The following AUTS2 variants were observed in gnomAD, a reference collection of about 807,000 sequenced individuals.
AUTS2 encodes the protein activator of transcription and developmental regulator AUTS2, also known as autism susceptibility gene 2 protein.
AUTS2 carries 17 observed loss-of-function variants against 112.4 expected under a neutral mutation model. That is an observed-to-expected ratio of 0.15 (90% confidence interval 0.10 to 0.23). The LOEUF (loss-of-function observed/expected upper bound fraction) is 0.23, where lower values mean the gene tolerates loss of function less well. AUTS2 is among the 10% of genes least tolerant of loss of function. The probability of loss-of-function intolerance (pLI) is 1.00; values close to 1 mark genes in which losing one functional copy is unlikely to be tolerated. For missense variants in AUTS2, 1,510 were observed against 1,701.6 expected, an observed-to-expected ratio of 0.89 and a Z score of 1.98; for synonymous variants, 751 against 702.7, an observed-to-expected ratio of 1.07 and a Z score of -1.09.
chr7:69,704,260 A>G (rs1797953719), intron 1 of AUTS2, among the ~76,000 whole-genome samples: 1 of 151,320 alleles, frequency 6.6e-6, no homozygotes, highest in South Asian at 2.1e-4. Context: ...TAGGCTCTCT[A>G]CAGTCTGGCT....
intron 5 of AUTS2, among the ~76,000 whole-genome samples, chr7:70,520,155 G>A (rs1204827434): frequency 6.6e-6 from 1 of 152,010 alleles, no homozygotes; most frequent in East Asian, 1.9e-4. Flanking sequence ...TGCTTTTGCT[G>A]TTATGTCCAA....
intron 5 of AUTS2, among the ~76,000 whole-genome samples, chr7:70,687,919 T>C (rs1808551476): frequency 1.3e-5 from 2 of 152,222 alleles, no homozygotes; most frequent in African/African-American, 4.8e-5. Context: ...GAAAGAGTTT[T>C]AATCTCCTGG....
At chr7:70,554,131 C>T (rs1449627577) in intron 5 of AUTS2, among the ~76,000 whole-genome samples, 5 of 147,668 alleles carry the variant, frequency 3.4e-5, no homozygotes, top group African/African-American at 7.5e-5. Context: ...TGCAATGGCG[C>T]GATCTCCACT....
In AUTS2 at chr7:70,050,335, G is replaced by A. The variant is rs1229031278; in HGVS notation, c.523-67797G>A. Among the ~76,000 whole-genome samples, 5 of 107,802 alleles carry A rather than the reference G, an allele frequency of 4.6e-5. No homozygotes were observed. In the East Asian group the frequency reaches 9.1e-4, roughly 20 times the overall value. The allele number at this position is 107,802 out of a possible 152,430, so 70.7% of individuals were successfully genotyped here. Reference sequence around the variant, plus strand: ...TCGAGCCACTGCAATCCAGCCTGGCGACAGAGCAAGACTCTGTCTCAAAAA... The same window carrying A: ...TCGAGCCACTGCAATCCAGCCTGGCAACAGAGCAAGACTCTGTCTCAAAAA... On this transcript the variant is annotated intron_variant, in intron 2 of 18. Coordinates refer to ENST00000342771, the MANE Select transcript of AUTS2 (RefSeq NM_015570.4).
intron 5 of AUTS2, among the ~76,000 whole-genome samples, chr7:70,448,609 A>G (rs1029218346): frequency 6.6e-6 from 1 of 152,224 alleles, no homozygotes. Flanking sequence ...AACAGTAATT[A>G]TTTCTCTCAG....
Position 70,003,855 on chromosome 7 carries a change from AAT to A in AUTS2, c.522+104367_522+104368del, listed in dbSNP as rs1280930480. ...ATAATATATGAATGTGTTATATATG[AAT>A]ATATATATAATATATGAATGTGTTA... is the stretch of plus-strand genomic sequence containing the variant. On this transcript the variant is annotated intron_variant, in intron 2 of 18. Coordinates refer to ENST00000342771, the MANE Select transcript of AUTS2 (RefSeq NM_015570.4). Among the ~76,000 whole-genome samples, 92 of 87,688 alleles carry A rather than the reference AAT, an allele frequency of 1.0e-3. 22 individuals carry two copies. Among genetic ancestry groups the A allele is most frequent in the Admixed American group, 2.2e-3 (16 of 7,138 alleles). 57.5% of individuals were successfully genotyped at this position (87,688 alleles called of 152,430 possible).
At chr7:70,108,862 C>T (rs1584734647) in intron 2 of AUTS2, among the ~76,000 whole-genome samples, 1 of 149,768 alleles carries the variant, frequency 6.7e-6, no homozygotes, top group African/African-American at 2.5e-5. Context: ...ATCACTTGAA[C>T]CTGCCTCGGC....
chr7:70,270,923 A>G (rs1787662409), intron 4 of AUTS2, among the ~76,000 whole-genome samples: 1 of 152,122 alleles, frequency 6.6e-6, no homozygotes, highest in South Asian at 2.1e-4. Flanking sequence ...GCTTGACTGA[A>G]GACAGAAGTC....
At chr7:70,091,672 A>G (rs1803929230) in intron 2 of AUTS2, among the ~76,000 whole-genome samples, 2 of 152,166 alleles carry the variant, frequency 1.3e-5, no homozygotes, top group African/African-American at 4.8e-5. Flanking sequence ...CTACCTCCTG[A>G]GATTCTTGGC....
At chr7:69,978,683 A>T (rs1189758949) in intron 2 of AUTS2, among the ~76,000 whole-genome samples, 5 of 152,042 alleles carry the variant, frequency 3.3e-5, no homozygotes, top group African/African-American at 1.2e-4. Flanking sequence ...TATAAAAAAT[A>T]AAAAAATAAA....
At chr7:70,324,373 T>TG (rs2129618149) in intron 4 of AUTS2, among the ~76,000 whole-genome samples, 1 of 152,176 alleles carries the variant, frequency 6.6e-6, no homozygotes, top group South Asian at 2.1e-4. Flanking sequence ...TTGTATTCAT[T>TG]GAAAAAAAAT....
chr7:70,781,930 T>A, intron 15 of AUTS2, 174 bp downstream of exon 15: 1 of 709,470 alleles, frequency 1.4e-6, no homozygotes, highest in Non-Finnish European at 2.3e-6. Context: ...TCTTCATTGA[T>A]ACACTCTCTT....
chr7:69,633,607 T>C (rs1323879903), intron 1 of AUTS2, among the ~76,000 whole-genome samples: 1 of 152,236 alleles, frequency 6.6e-6, no homozygotes, highest in Non-Finnish European at 1.5e-5. Flanking sequence ...CCAACATTTG[T>C]TATCTTTTTA....
At chr7:69,908,821 A>T (rs889943595) in intron 2 of AUTS2, among the ~76,000 whole-genome samples, 4 of 152,210 alleles carry the variant, frequency 2.6e-5, no homozygotes, top group Admixed American at 2.0e-4. Flanking sequence ...ATGGAGAAGC[A>T]ATTAGCTACA....
intron 6 of AUTS2, among the ~76,000 whole-genome samples, chr7:70,700,079 G>T (rs369859406): frequency 1.3e-5 from 2 of 152,202 alleles, no homozygotes; most frequent in African/African-American, 2.4e-5. Context: ...CACTCTGGCC[G>T]CCACTGCCCT....
At chr7:70,117,685 G>C (rs1474661899) in intron 2 of AUTS2, among the ~76,000 whole-genome samples, 2 of 151,632 alleles carry the variant, frequency 1.3e-5, no homozygotes, top group Admixed American at 6.6e-5. Flanking sequence ...TTCTATGGCA[G>C]CTTGCCTGGC....
intron 2 of AUTS2, among the ~76,000 whole-genome samples, chr7:69,939,958 C>G (rs1796560268): frequency 6.6e-6 from 1 of 152,200 alleles, no homozygotes; most frequent in Admixed American, 6.5e-5. Flanking sequence ...ATCATAACAA[C>G]AACAGTAGTA....
intron 1 of AUTS2, among the ~76,000 whole-genome samples, chr7:69,833,395 A>C (rs1017784755): frequency 6.6e-6 from 1 of 152,186 alleles, no homozygotes; most frequent in African/African-American, 2.4e-5. Flanking sequence ...TCTGAACTAC[A>C]TATTAATTAT....
At chr7:70,223,855 T>G (rs1368466196) in intron 4 of AUTS2, among the ~76,000 whole-genome samples, 1 of 151,264 alleles carries the variant, frequency 6.6e-6, no homozygotes, top group Non-Finnish European at 1.5e-5. Context: ...TATCTTTGTT[T>G]TTTTTTTTTT....
Sources: gnomAD v4.1 joint callset for allele counts (sites outside exome capture counted in the v4.1 genomes callset) on GRCh38, gnomAD v4.1.1 for gene constraint, MANE v1.5 for transcripts, NCBI Gene and HGNC (gene_info 2026-07-23, HGNC 2026-07-21) for gene names.